Variants in B3GNT5 observed in about 807,000 individuals in gnomAD.
B3GNT5 encodes the protein UDP-GlcNAc:betaGal beta-1,3-N-acetylglucosaminyltransferase 5, also known as lactosylceramide 1,3-N-acetyl-beta-D-glucosaminyltransferase.
A neutral mutation model predicts 25.9 loss-of-function variants in B3GNT5; 11 were observed. The observed-to-expected ratio is 0.42, with a 90% CI of 0.27 to 0.70. The LOEUF (loss-of-function observed/expected upper bound fraction) is 0.70, where lower values mean the gene tolerates loss of function less well. Ranked by LOEUF, B3GNT5 falls within the 30% of genes least tolerant of loss-of-function variation. B3GNT5 has a pLI of 0.23. For synonymous variants in B3GNT5, 166 were observed against 158.6 expected (o/e 1.05, Z -0.35); for missense variants, 385 against 458.4 (o/e 0.84, Z 1.46).
Position 183,270,615 on chromosome 3 carries a change from C to T in B3GNT5, c.817C>T (p.Gln273Ter). ...AGCTGCCAAAGTCTATGAGGCATCA[C>T]AGACACTAAATTCAAGTCTTTACAT... ...DVAAKVYEAS[Q>*]TLNSSLYIDD... The change falls in exon 2 of 2, where the codon CAG becomes TAG. Residue 273 changes from glutamine (Q) to a stop codon, truncating the protein, a stop_gained. Coordinates refer to ENST00000326505, the MANE Select transcript of B3GNT5 (RefSeq NM_032047.5). LOFTEE classifies it high-confidence loss of function. This position sits in a 1 kb window ranked among gnomAD's most constrained non-coding sequence, Gnocchi z 4.5. 1 of 1,614,170 alleles carries T rather than the reference C, an allele frequency of 6.2e-7. No individual in the cohort carries two copies. Among genetic ancestry groups the T allele is most frequent in the Non-Finnish European group, 8.5e-7 (1 of 1,180,024 alleles).
Position 183,269,230 on chromosome 3 carries a change from C to CTTTTTT in B3GNT5, c.-301-255_-301-250dup, listed in dbSNP as rs60835895. Among the ~76,000 whole-genome samples, 219 of 80,994 alleles carry CTTTTTT rather than the reference C, an allele frequency of 2.7e-3. 42 individuals carry two copies. The highest frequency in any genetic ancestry group is 0.013 in the African/African-American group (201 of 15,758). 53.1% of individuals were successfully genotyped at this position (80,994 alleles called of 152,430 possible). A position where few individuals can be genotyped will look rare whatever the true frequency, so the allele number is the denominator to read the frequency against. ...TACACGATTATAGCCGTTTGGGAAG[C>CTTTTTT]TTTTTTTTTTTTTTTTTTAAGAGTA... is the stretch of plus-strand genomic sequence containing the variant. On this transcript the variant is annotated intron_variant, in intron 1 of 1. Transcript: ENST00000326505.
intron 1 of B3GNT5, chr3:183,258,196 G>GA (rs1725254805): frequency 6.6e-6 from 1 of 152,528 alleles, no homozygotes; most frequent in Non-Finnish European, 1.5e-5. Context: ...TTGATCTCCC[G>GA]ACCTCCTGAT....
At chr3:183,262,421 G>T (rs571391640) in intron 1 of B3GNT5, among the ~76,000 whole-genome samples, 41 of 152,160 alleles carry the variant, frequency 2.7e-4, no homozygotes, top group African/African-American at 9.6e-4. Flanking sequence ...TTACCGTTTT[G>T]ACATTTTGTT....
chr3:183,256,999 A>G (rs1175068028), intron 1 of B3GNT5, among the ~76,000 whole-genome samples: 1 of 152,152 alleles, frequency 6.6e-6, no homozygotes, highest in African/African-American at 2.4e-5. Flanking sequence ...CTACCTAATT[A>G]ATGTTTTTTG....
At chr3:183,260,400 G>A (rs1221366784) in intron 1 of B3GNT5, among the ~76,000 whole-genome samples, 3 of 152,142 alleles carry the variant, frequency 2.0e-5, no homozygotes, top group African/African-American at 4.8e-5. Flanking sequence ...GCAAGCAACC[G>A]TGTCAGCCCA....
rs967681168 is a variant in B3GNT5, at chr3:183,273,366, A to C, written c.*2431A>C. On this transcript the variant is annotated 3_prime_UTR_variant, in exon 2 of 2. Transcript: ENST00000326505. ...AGTTTAAAAAAAATCTATAGTTTCC[A>C]ATAAACAACTGAAAAATTATCATGA... 4.8e-6 allele frequency: 1 copy of C among 210,054 alleles called. No individual in the cohort carries two copies. The highest frequency in any genetic ancestry group is 1.0e-5 in the Non-Finnish European group (1 of 98,668). 13.0% of individuals were successfully genotyped at this position (210,054 alleles called of 1,614,324 possible).
rs1726869875 is a variant in B3GNT5, at chr3:183,272,562, TTAGA to T, written c.*1630_*1633del. ...GAAATTTGAGGCTTGTTTACATTGC[TTAGA>T]TAATTTAGAATTTTTAACTAATGTC... On this transcript the variant is annotated 3_prime_UTR_variant, in exon 2 of 2. Transcript: ENST00000326505. 1 of 991,644 alleles carries T rather than the reference TTAGA, an allele frequency of 1.0e-6. No homozygotes were observed. Among genetic ancestry groups the T allele is most frequent in the East Asian group, 1.1e-4 (1 of 8,780 alleles). The allele number at this position is 991,644 out of a possible 1,614,324, so 61.4% of individuals were successfully genotyped here.
intron 1 of B3GNT5, among the ~76,000 whole-genome samples, chr3:183,255,824 AAAAAG>A (rs1724995555): frequency 6.6e-6 from 1 of 151,500 alleles, no homozygotes; most frequent in African/African-American, 2.4e-5. Flanking sequence ...AAAAAAAAAG[AAAAAG>A]AAAACTTTCT....
intron 1 of B3GNT5, among the ~76,000 whole-genome samples, chr3:183,263,936 C>T (rs910712278): frequency 2.0e-5 from 3 of 152,142 alleles, no homozygotes; most frequent in Non-Finnish European, 4.4e-5. Context: ...ATTTCCACCA[C>T]CCTCGACTAG....
At chr3:183,259,903 G>A (rs1389204145) in intron 1 of B3GNT5, among the ~76,000 whole-genome samples, 1 of 152,162 alleles carries the variant, frequency 6.6e-6, no homozygotes, top group African/African-American at 2.4e-5. Context: ...AGTGAAGGAA[G>A]TAAGAACAGT....
Position 183,272,184 on chromosome 3 carries a change from T to G in B3GNT5, c.*1249T>G. 1 of 1,000,288 alleles carries G rather than the reference T, an allele frequency of 1.0e-6. No individual in the cohort carries two copies. The highest frequency in any genetic ancestry group is 1.2e-6 in the Non-Finnish European group (1 of 829,976). 62.0% of individuals were successfully genotyped at this position (1,000,288 alleles called of 1,614,324 possible). ...TTCCTTGTAATCAAAGAGATGTGTC[T>G]GAGATCTAATAGAGTAAGTTACATT... On this transcript the variant is annotated 3_prime_UTR_variant, in exon 2 of 2. Coordinates refer to ENST00000326505, the MANE Select transcript of B3GNT5 (RefSeq NM_032047.5).
intron 1 of B3GNT5, among the ~76,000 whole-genome samples, chr3:183,268,046 T>A (rs1218723638): frequency 6.6e-6 from 1 of 152,164 alleles, no homozygotes; most frequent in East Asian, 1.9e-4. Context: ...ATGAGAAGCA[T>A]CTTTCAGGGA....
intron 1 of B3GNT5, among the ~76,000 whole-genome samples, chr3:183,257,958 C>CCTT (rs779026571): frequency 1.5e-5 from 1 of 64,724 alleles, no homozygotes; most frequent in Non-Finnish European, 2.6e-5. Flanking sequence ...CCACTTCACC[C>CCTT]TTTTTTTTTT....
At position 183,270,969 on chromosome 3, in the gene B3GNT5, T is replaced by G; in HGVS notation, c.*34T>G. 1 of 1,518,716 alleles carries G rather than the reference T, an allele frequency of 6.6e-7. No individual in the cohort carries two copies. Among genetic ancestry groups the G allele is most frequent in the South Asian group, 1.3e-5 (1 of 75,260 alleles). The allele number at this position is 1,518,716 out of a possible 1,614,324, so 94.1% of individuals were successfully genotyped here. A position where few individuals can be genotyped will look rare whatever the true frequency, so the allele number is the denominator to read the frequency against. ...GAATGTTGTATGTTTTCACTGTCACTGAGTCAAACCTGGATGAAAAAAACC... is the reference window on the plus strand; with the variant it reads ...GAATGTTGTATGTTTTCACTGTCACGGAGTCAAACCTGGATGAAAAAAACC... On this transcript the variant is annotated 3_prime_UTR_variant, in exon 2 of 2. Transcript: ENST00000326505. The surrounding 1 kb of genome is among the most constrained non-coding windows in gnomAD (Gnocchi z 4.5).
chr3:183,257,099 G>A (rs898746501), intron 1 of B3GNT5, among the ~76,000 whole-genome samples: 2 of 152,092 alleles, frequency 1.3e-5, no homozygotes, highest in African/African-American at 4.8e-5. Flanking sequence ...ACCCATCCTG[G>A]TAAAGCTACA....
In B3GNT5 at chr3:183,271,832, C is replaced by T. The variant is rs1444001317; in HGVS notation, c.*897C>T. On this transcript the variant is annotated 3_prime_UTR_variant, in exon 2 of 2. Transcript: ENST00000326505. ...ATAGAGGAATATAATAATGGAGAGA[C>T]TTCAAATGGAAAGACAGAACATTAC... 1.8e-5 allele frequency: 3 copies of T among 166,916 alleles called. No homozygotes were observed. The highest frequency in any genetic ancestry group is 7.2e-5 in the African/African-American group (3 of 41,390). The allele number at this position is 166,916 out of a possible 1,614,324, so 10.3% of individuals were successfully genotyped here.
chr3:183,269,959 G>C lies in B3GNT5; in HGVS notation c.161G>C (p.Ser54Thr). Residue 54 changes from serine to threonine, a missense_variant, in exon 2 of 2, where the codon AGC becomes ACC. By Grantham distance (58) the Ser-to-Thr change is moderately conservative. Transcript: ENST00000326505. ...KSYSYRYLIN[S>T]YDFVNDTLSL... ...TATTCTTACAGATACCTCATAAATA[G>C]CTATGACTTTGTGAATGATACCCTG... 2 of 1,614,106 alleles carry C rather than the reference G, an allele frequency of 1.2e-6. No individual in the cohort carries two copies. Among genetic ancestry groups the C allele is most frequent in the Non-Finnish European group, 1.7e-6 (2 of 1,180,022 alleles).
At chr3:183,255,480 C>G (rs80054626) in intron 1 of B3GNT5, among the ~76,000 whole-genome samples, 3,908 of 152,300 alleles carry the variant, frequency 0.026, 170 homozygotes, top group African/African-American at 0.09. Context: ...CTCCCGCACA[C>G]GCTCTGAGCA....
At chr3:183,254,574 A>G (rs1724858263) in intron 1 of B3GNT5, 1 of 151,972 alleles carries the variant, frequency 6.6e-6, no homozygotes, top group African/African-American at 2.4e-5. Flanking sequence ...GTCCCTGAGG[A>G]GCTCCGGCTC....
Sources: allele counts gnomAD v4.1 joint callset (sites outside exome capture counted in the v4.1 genomes callset), GRCh38; gene constraint gnomAD v4.1.1; non-coding constraint Gnocchi (gnomAD v3.1); transcripts MANE v1.5; gene names NCBI Gene and HGNC (gene_info 2026-07-23, HGNC 2026-07-21).